Variants in MAP3K5 observed in about 807,000 individuals in gnomAD.
The protein encoded by MAP3K5 is ASK-1.
A neutral mutation model predicts 158.7 loss-of-function variants in MAP3K5; 56 were observed. The observed-to-expected ratio is 0.35, with a 90% CI of 0.28 to 0.44. MAP3K5 has a LOEUF of 0.44. Ranked by LOEUF, MAP3K5 falls within the 20% of genes least tolerant of loss-of-function variation. MAP3K5 has a pLI of 1.00. For missense variants in MAP3K5, 1,294 were observed against 1,674.8 expected (o/e 0.77, Z 3.97); for synonymous variants, 579 against 601.7 (o/e 0.96, Z 0.55).
chr6:136,702,770 A>G (rs1039627588), intron 3 of MAP3K5, among the ~76,000 whole-genome samples: 2 of 152,160 alleles, frequency 1.3e-5, no homozygotes. Flanking sequence ...ATCTCGGCTC[A>G]CTGCAGCCTC....
intron 1 of MAP3K5, among the ~76,000 whole-genome samples, chr6:136,784,505 T>A (rs1410611815): frequency 6.6e-6 from 1 of 152,184 alleles, no homozygotes; most frequent in South Asian, 2.1e-4. Flanking sequence ...AGAAAAACCA[T>A]GTGTTGGACA....
At chr6:136,605,119 T>G in intron 19 of MAP3K5, 90 bp downstream of exon 19, 1 of 1,339,994 alleles carries the variant, frequency 7.5e-7, no homozygotes, top group East Asian at 2.3e-5. Context: ...TTAGCACCCT[T>G]TATCTAAAAA....
intron 1 of MAP3K5, among the ~76,000 whole-genome samples, chr6:136,752,655 G>A (rs1218178278): frequency 3.3e-5 from 5 of 152,146 alleles, no homozygotes; most frequent in African/African-American, 9.7e-5. Context: ...CAGGTGATCC[G>A]CCCTCCTCGG....
At chr6:136,616,300 CTTTT>C (rs537263288) in intron 15 of MAP3K5, among the ~76,000 whole-genome samples, 20 of 122,674 alleles carry the variant, frequency 1.6e-4, no homozygotes, top group African/African-American at 5.8e-4. Flanking sequence ...ACCTGCTCCT[CTTTT>C]TTTTTTTTTT....
chr6:136,644,190 G>A (rs781620455), intron 11 of MAP3K5, among the ~76,000 whole-genome samples: 2 of 152,202 alleles, frequency 1.3e-5, no homozygotes, highest in South Asian at 2.1e-4. Flanking sequence ...AAGGAGGGGA[G>A]CATTTCCAGA....
intron 1 of MAP3K5, among the ~76,000 whole-genome samples, chr6:136,756,729 A>G (rs1195113993): frequency 6.6e-6 from 1 of 152,220 alleles, no homozygotes; most frequent in African/African-American, 2.4e-5. Flanking sequence ...GATTCATCAC[A>G]AGACAGTTTC....
intron 10 of MAP3K5, among the ~76,000 whole-genome samples, chr6:136,654,944 T>G (rs1013886868): frequency 2.6e-5 from 4 of 152,226 alleles, no homozygotes; most frequent in Non-Finnish European, 5.9e-5. Flanking sequence ...CCTTTAGGTC[T>G]TATAAGTCCT....
intron 9 of MAP3K5, 130 bp downstream of exon 9, chr6:136,659,089 T>C: frequency 1.2e-6 from 1 of 839,606 alleles, no homozygotes; most frequent in Non-Finnish European, 1.8e-6. Flanking sequence ...AATATCACAA[T>C]TTTCCTCTAT....
At chr6:136,781,910 G>T (rs79248599) in intron 1 of MAP3K5, among the ~76,000 whole-genome samples, 5 of 152,168 alleles carry the variant, frequency 3.3e-5, no homozygotes, top group African/African-American at 1.2e-4. Flanking sequence ...AAACTTGAGC[G>T]TGACATTAAG....
At chr6:136,564,756 C>T (rs149259967) in intron 26 of MAP3K5, among the ~76,000 whole-genome samples, 1 of 152,224 alleles carries the variant, frequency 6.6e-6, no homozygotes, top group Non-Finnish European at 1.5e-5. Context: ...TTTGAGTCCT[C>T]GTGGACAAAC....
chr6:136,723,218 T>C (rs1781819180), intron 1 of MAP3K5, among the ~76,000 whole-genome samples: 1 of 151,862 alleles, frequency 6.6e-6, no homozygotes, highest in African/African-American at 2.4e-5. Flanking sequence ...ATGATATATA[T>C]GTATATAATA....
Position 136,613,535 on chromosome 6 carries a change from C to T in MAP3K5, c.2279-279G>A, listed in dbSNP as rs781486574. Reference sequence around the variant, plus strand: ...TGGTTCCCATATTTATGTATTGTCTCTGTGAAATTACATAATTCACATGTA... The same window carrying T: ...TGGTTCCCATATTTATGTATTGTCTTTGTGAAATTACATAATTCACATGTA... On this transcript the variant is annotated intron_variant, in intron 16 of 29. Coordinates refer to ENST00000359015, the MANE Select transcript of MAP3K5 (RefSeq NM_005923.4). This position sits in a 1 kb window ranked among gnomAD's most constrained non-coding sequence, Gnocchi z 4.0. Among the ~76,000 whole-genome samples the T allele has an allele frequency of 1.3e-5, 2 of 152,146 alleles. No homozygotes were observed. The highest frequency in any genetic ancestry group is 2.9e-5 in the Non-Finnish European group (2 of 68,012).
At position 136,589,749 on chromosome 6, in the gene MAP3K5, CATG is replaced by C. The variant is rs201115635; in HGVS notation, c.3225+2421_3225+2423del. 3.6e-3 allele frequency among the ~76,000 whole-genome samples: 544 copies of C among 152,242 alleles called. 2 individuals are homozygous for C. The highest frequency in any genetic ancestry group is 0.012 in the African/African-American group (499 of 41,526). On this transcript the variant is annotated intron_variant, in intron 23 of 29. Transcript: ENST00000359015. ...TGCACCAGAAAAGGCCATATGAGCA[CATG>C]ATAATAAGAAGGTGGCCATCTGCAA...
intron 23 of MAP3K5, among the ~76,000 whole-genome samples, chr6:136,589,161 C>A (rs1472891100): frequency 6.6e-6 from 1 of 152,212 alleles, no homozygotes; most frequent in Non-Finnish European, 1.5e-5. Flanking sequence ...CCATTTACAT[C>A]TCAATAAAAG....
intron 1 of MAP3K5, among the ~76,000 whole-genome samples, chr6:136,730,162 T>TTG (rs1554305853): frequency 5.5e-5 from 8 of 144,942 alleles, no homozygotes; most frequent in African/African-American, 1.5e-4. Context: ...TGTTTTTTTT[T>TTG]TTTTGTTTTT....
At chr6:136,784,767 C>T (rs953134698) in intron 1 of MAP3K5, among the ~76,000 whole-genome samples, 1 of 152,132 alleles carries the variant, frequency 6.6e-6, no homozygotes, top group African/African-American at 2.4e-5. Flanking sequence ...TTTTTGCACA[C>T]ATTTTCTGTA....
At chr6:136,749,734 T>C (rs901874722) in intron 1 of MAP3K5, among the ~76,000 whole-genome samples, 5 of 152,092 alleles carry the variant, frequency 3.3e-5, no homozygotes, top group African/African-American at 1.2e-4. Flanking sequence ...GCAAGTCTAA[T>C]TCATCTGATG....
chr6:136,621,517 CT>C (rs1412598376), intron 15 of MAP3K5, among the ~76,000 whole-genome samples: 1 of 152,156 alleles, frequency 6.6e-6, no homozygotes, highest in Non-Finnish European at 1.5e-5. Flanking sequence ...GGTGAAAGTG[CT>C]GCAGTAAATA....
chr6:136,561,679 T>G (rs1211368849), intron 27 of MAP3K5, 34 bp from the exon 28 acceptor site: 2 of 1,227,008 alleles, frequency 1.6e-6, no homozygotes, highest in Non-Finnish European at 2.4e-6. Context: ...ATTCTTAATT[T>G]CACCTAACAG....
Sources: gnomAD v4.1 joint callset for allele counts (sites outside exome capture counted in the v4.1 genomes callset) on GRCh38, gnomAD v4.1.1 for gene constraint, Gnocchi (gnomAD v3.1) non-coding constraint, MANE v1.5 for transcripts, NCBI Gene and HGNC (gene_info 2026-07-23, HGNC 2026-07-21) for gene names.